The following MAGI1 variants were observed in gnomAD, a reference collection of about 807,000 sequenced individuals.
MAGI1 encodes the protein membrane-associated guanylate kinase, WW and PDZ domain-containing protein 1.
A neutral mutation model predicts 139.9 loss-of-function variants in MAGI1; 58 were observed. The ratio of observed to expected loss-of-function variants is 0.41; its 90% confidence interval spans 0.34 to 0.52. MAGI1 has a LOEUF of 0.52. MAGI1 is among the 20% of genes least tolerant of loss of function. The probability of loss-of-function intolerance (pLI) is 0.12; values close to 1 mark genes in which losing one functional copy is unlikely to be tolerated. For synonymous variants in MAGI1, 812 were observed against 737.9 expected (o/e 1.10, Z -1.63); for missense variants, 1,874 against 1,901.6 (o/e 0.99, Z 0.27).
intron 3 of MAGI1, 106 bp downstream of exon 3, chr3:65,493,406 T>G: frequency 7.4e-7 from 1 of 1,346,488 alleles, no homozygotes; most frequent in Non-Finnish European, 1.0e-6. Flanking sequence ...TCTCCTGTTA[T>G]TTGTTTAGAC....
In MAGI1 at chr3:65,530,780, T is replaced by C. The variant is rs13097246; in HGVS notation, c.431-37149A>G. Among the ~76,000 whole-genome samples, 52 of 74,374 alleles carry C rather than the reference T, an allele frequency of 7.0e-4. 2 individuals carry two copies. Among genetic ancestry groups the C allele is most frequent in the African/African-American group, 1.5e-3 (30 of 20,034 alleles). The allele number at this position is 74,374 out of a possible 152,430, so 48.8% of individuals were successfully genotyped here. The stretch of plus-strand genomic sequence containing the variant: ...ACGTATATATATATATATACACACA[T>C]ATATATACACGTATATATATATATA... On this transcript the variant is annotated intron_variant, in intron 2 of 22. Coordinates refer to ENST00000402939, the MANE Select transcript of MAGI1 (RefSeq NM_001033057.2).
intron 2 of MAGI1, 145 bp downstream of exon 2, chr3:65,621,827 T>G: frequency 1.6e-6 from 1 of 609,126 alleles, no homozygotes; most frequent in South Asian, 2.0e-5. Context: ...TATTGAATTA[T>G]GATTTGCTTG....
At chr3:65,610,751 C>CTATATATATATATATACTAT (rs59887286) in intron 2 of MAGI1, among the ~76,000 whole-genome samples, 4 of 21,180 alleles carry the variant, frequency 1.9e-4, no homozygotes, top group Non-Finnish European at 3.5e-4. Flanking sequence ...AGTATATATA[C>CTATATATATATATATACTAT]AGTATATATA....
chr3:65,857,514 G>A (rs1357616312), intron 1 of MAGI1, among the ~76,000 whole-genome samples: 1 of 152,140 alleles, frequency 6.6e-6, no homozygotes, highest in East Asian at 1.9e-4. Flanking sequence ...GAAAACAAGA[G>A]CAGAGGGTCC....
chr3:65,817,220 T>C (rs2041662080), intron 1 of MAGI1, among the ~76,000 whole-genome samples: 1 of 152,200 alleles, frequency 6.6e-6, no homozygotes. Context: ...AATTTTGATA[T>C]AGAACTATAT....
At chr3:65,430,353 C>G (rs73832841) in intron 11 of MAGI1, among the ~76,000 whole-genome samples, 2,726 of 152,184 alleles carry the variant, frequency 0.018, 78 homozygotes, top group African/African-American at 0.063. Context: ...GTAATAATCA[C>G]TCACAGAACA....
chr3:65,631,009 GT>G (rs1559737325), intron 1 of MAGI1, among the ~76,000 whole-genome samples: 1 of 152,234 alleles, frequency 6.6e-6, no homozygotes, highest in African/African-American at 2.4e-5. Flanking sequence ...AAATATCAAC[GT>G]TTCTTTTGCA....
At chr3:65,914,264 A>AT (rs1473999098) in intron 1 of MAGI1, 1 of 152,220 alleles carries the variant, frequency 6.6e-6, no homozygotes, top group Admixed American at 6.5e-5. Flanking sequence ...TGGAAAAAAA[A>AT]GTCAACTCTC....
chr3:65,475,019 A>C (rs1260699590), intron 4 of MAGI1, among the ~76,000 whole-genome samples: 1 of 152,094 alleles, frequency 6.6e-6, no homozygotes, highest in Admixed American at 6.6e-5. Flanking sequence ...TTATCTCTTA[A>C]CTTTCCAAAG....
intron 18 of MAGI1, among the ~76,000 whole-genome samples, chr3:65,369,639 G>A (rs2106791464): frequency 6.6e-6 from 1 of 152,114 alleles, no homozygotes; most frequent in African/African-American, 2.4e-5. Context: ...CTCCCAAGTA[G>A]CTGGGACTAC....
intron 1 of MAGI1, among the ~76,000 whole-genome samples, chr3:65,699,462 G>T (rs1314590360): frequency 2.1e-5 from 3 of 141,886 alleles, no homozygotes; most frequent in Non-Finnish European, 4.5e-5. Context: ...CAATAGCAAA[G>T]ACTTGGAACC....
At chr3:65,376,016 T>C (rs1420997373) in intron 17 of MAGI1, 71 bp from the exon 18 acceptor site, 2 of 1,160,090 alleles carry the variant, frequency 1.7e-6, no homozygotes, top group Non-Finnish European at 2.5e-6. Context: ...GAAAAAGGGT[T>C]GAAAAGGGAA....
intron 16 of MAGI1, among the ~76,000 whole-genome samples, chr3:65,380,043 G>A (rs1942913577): frequency 6.6e-6 from 1 of 152,198 alleles, no homozygotes; most frequent in Non-Finnish European, 1.5e-5. Context: ...GTAAGGTGAT[G>A]GTAACGTTGA....
chr3:65,360,413 A>C (rs1376303917), intron 22 of MAGI1: 1 of 969,698 alleles, frequency 1.0e-6, no homozygotes, highest in Non-Finnish European at 1.2e-6. Context: ...AATTATTATC[A>C]TATACAATAT....
intron 2 of MAGI1, among the ~76,000 whole-genome samples, chr3:65,616,208 A>G (rs1173793390): frequency 9.6e-6 from 1 of 104,386 alleles, no homozygotes; most frequent in Admixed American, 8.7e-5. Flanking sequence ...ATACGTTTCA[A>G]TGGAGAAGGA....
chr3:65,970,286 T>C (rs1323146310), intron 1 of MAGI1, among the ~76,000 whole-genome samples: 3 of 152,112 alleles, frequency 2.0e-5, no homozygotes, highest in African/African-American at 7.2e-5. Flanking sequence ...GTACCAAGAA[T>C]AATTAAATTC....
intron 2 of MAGI1, among the ~76,000 whole-genome samples, chr3:65,518,225 C>A (rs1247201812): frequency 6.6e-6 from 1 of 152,222 alleles, no homozygotes; most frequent in East Asian, 1.9e-4. Context: ...AAAGTAGATC[C>A]CCTCTAGTTC....
chr3:65,576,357 A>T (rs2081176543), intron 2 of MAGI1, among the ~76,000 whole-genome samples: 1 of 152,190 alleles, frequency 6.6e-6, no homozygotes, highest in Non-Finnish European at 1.5e-5. Context: ...ACACATTAGC[A>T]TGAAATTAGT....
At chr3:65,488,890 C>T (rs954520858) in intron 3 of MAGI1, among the ~76,000 whole-genome samples, 8 of 150,446 alleles carry the variant, frequency 5.3e-5, no homozygotes, top group Non-Finnish European at 7.4e-5. Context: ...CCAGGCTGGT[C>T]GCGAGCTCCT....
Sources: allele counts gnomAD v4.1 joint callset (sites outside exome capture counted in the v4.1 genomes callset), GRCh38; gene constraint gnomAD v4.1.1; transcripts MANE v1.5; gene names NCBI Gene and HGNC (gene_info 2026-07-23, HGNC 2026-07-21).